Variants in FAM234A observed in about 807,000 individuals in gnomAD.
FAM234A encodes family with sequence similarity 234 member A.
In FAM234A, 42 loss-of-function variants were observed where a neutral mutation model predicts 49.1. The observed-to-expected ratio is 0.86, with a 90% CI of 0.67 to 1.11. FAM234A has a LOEUF of 1.11. Ranked by LOEUF, FAM234A falls within the 50% of genes least tolerant of loss-of-function variation. The pLI is 0.00. For synonymous variants in FAM234A, 369 were observed against 316.2 expected (o/e 1.17, Z -1.77); for missense variants, 815 against 745.2 (o/e 1.09, Z -1.09).
In FAM234A at chr16:242,703, C is replaced by A. The variant is rs373867626; in HGVS notation, c.-139-6846C>A. Among the ~76,000 whole-genome samples, 42 of 151,824 alleles carry A rather than the reference C, an allele frequency of 2.8e-4. No individual in the cohort carries two copies. In the East Asian group the frequency reaches 6.6e-3, roughly 24 times the overall value. On this transcript the variant is annotated intron_variant, in intron 1 of 12. Transcript: ENST00000399932. ...TCTCAGCTCACTGCAACCTCTGCCC[C>A]CCGGGTTCAAGCGATTCTCCTGCCT...
Position 238,919 on chromosome 16 carries a change from C to CAAAAAA in FAM234A, c.-140+4070_-140+4075dup, listed in dbSNP as rs1161101529. 8.9e-3 allele frequency among the ~76,000 whole-genome samples: 815 copies of CAAAAAA among 91,620 alleles called. 24 individuals carry two copies. The East Asian group carries it at 0.12, about 14-fold the overall frequency. The allele number at this position is 91,620 out of a possible 152,430, so 60.1% of individuals were successfully genotyped here. On this transcript the variant is annotated intron_variant, in intron 1 of 12. Transcript: ENST00000399932. Reference sequence around the variant, plus strand: ...CTAACATGGTGAAACCCCATCTCTACAAAAAAAAAAAAATTAGCCGGGTGT... The same window carrying CAAAAAA: ...CTAACATGGTGAAACCCCATCTCTACAAAAAAAAAAAAAAAAAAATTAGCCGGGTGT...
At chr16:254,290 C>G (rs1375206087) in intron 2 of FAM234A, 91 bp from the exon 3 acceptor site, 1 of 1,047,620 alleles carries the variant, frequency 9.5e-7, no homozygotes, top group South Asian at 1.5e-5. Flanking sequence ...GCAGCCAGTC[C>G]CCAAGAAGCC....
intron 5 of FAM234A, chr16:260,410 CAG>C (rs1277028934): frequency 3.9e-5 from 22 of 566,346 alleles, no homozygotes; most frequent in Admixed American, 3.3e-4. Context: ...CTGTAACACA[CAG>C]GGGCAGTCCG....
chr16:268,390 G>C (rs763769124), downstream of FAM234A: 2 of 323,662 alleles, frequency 6.2e-6, no homozygotes, highest in Non-Finnish European at 1.2e-5. Flanking sequence ...AGCCCTATGG[G>C]TGGGGATGGC....
chr16:269,354 T>G, downstream of FAM234A: 1 of 1,603,228 alleles, frequency 6.2e-7, no homozygotes, highest in African/African-American at 1.3e-5. Flanking sequence ...GGGGCTCGAG[T>G]GCCGTGGCCT....
In FAM234A at chr16:264,736, G is replaced by A; in HGVS notation, c.1447+20G>A. On this transcript the variant is annotated intron_variant, in intron 12 of 12. Coordinates refer to ENST00000399932, the MANE Select transcript of FAM234A (RefSeq NM_032039.4). ...TTGACGGTGAGTGTGGCCTCGGCCA[G>A]GGACCCGGGTGTTCCGCGGGGTCTG... is the stretch of plus-strand genomic sequence containing the variant. The A allele has an allele frequency of 1.2e-6, 2 of 1,609,210 alleles. No individual in the cohort carries two copies. Among genetic ancestry groups the A allele is most frequent in the South Asian group, 1.1e-5 (1 of 91,040 alleles).
At chr16:251,681 T>TTTG (rs2051015580) in intron 2 of FAM234A, among the ~76,000 whole-genome samples, 1 of 130,942 alleles carries the variant, frequency 7.6e-6, no homozygotes, top group Non-Finnish European at 1.6e-5. Context: ...CTAGCCAGGT[T>TTTG]TTTTTTTTTT....
At position 265,308 on chromosome 16, in the gene FAM234A, T is replaced by G. The variant is rs74003716; in HGVS notation, c.*286T>G. 2,927 of 1,220,488 alleles carry G rather than the reference T, an allele frequency of 2.4e-3. 64 individuals are homozygous for G. The African/African-American group carries it at 0.042, about 17-fold the overall frequency. 75.6% of individuals were successfully genotyped at this position (1,220,488 alleles called of 1,614,324 possible). On this transcript the variant is annotated 3_prime_UTR_variant, in exon 13 of 13. Coordinates refer to ENST00000399932, the MANE Select transcript of FAM234A (RefSeq NM_032039.4). ...TCCCGCTCACACCAGGCAGCCTTCA[T>G]AGTGGTCTCCCTGGCCACCTTGGGC...
Position 264,862 on chromosome 16 carries a change from C to G in FAM234A, c.1499C>G (p.Pro500Arg), listed in dbSNP as rs201149518. 6 of 1,612,206 alleles carry G rather than the reference C, an allele frequency of 3.7e-6. No individual in the cohort carries two copies. In the Admixed American group the frequency reaches 8.3e-5, roughly 22 times the overall value. ...RHAAYILLTG[P>R]ADSEAPGLVS... is the part of the protein sequence containing the mutation. ...GCCGCCTACATCCTTCTGACAGGCC[C>G]GGCAGACTCAGAGGCACCCGGCCTG... Residue 500 changes from proline to arginine, a missense_variant, in exon 13 of 13, where the codon CCG becomes CGG. Coordinates refer to ENST00000399932, the MANE Select transcript of FAM234A (RefSeq NM_032039.4).
intron 1 of FAM234A, among the ~76,000 whole-genome samples, chr16:242,981 CTT>C (rs202179166): frequency 3.7e-4 from 51 of 139,214 alleles, no homozygotes; most frequent in Admixed American, 4.4e-4. Flanking sequence ...TGAGCCCTCA[CTT>C]TTTTTTTTTT....
At chr16:246,219 A>ACAT (rs1555461249) in intron 1 of FAM234A, among the ~76,000 whole-genome samples, 6 of 150,744 alleles carry the variant, frequency 4.0e-5, no homozygotes, top group African/African-American at 1.2e-4. Context: ...TGTCTCAAAA[A>ACAT]AATAATAATA....
rs560116712 is a variant in FAM234A, at chr16:256,454, T to C, written c.268+1773T>C. The stretch of plus-strand genomic sequence containing the variant: ...TGGGTCCCTCTTTTCGTGTGAGTTT[T>C]AGCCATTCTTGCATCTTCTTTGGTG... On this transcript the variant is annotated intron_variant, in intron 3 of 12. Transcript: ENST00000399932. Among the ~76,000 whole-genome samples, 3 of 152,360 alleles carry C rather than the reference T, an allele frequency of 2.0e-5. No homozygotes were observed. The East Asian group carries it at 5.8e-4, about 29-fold the overall frequency.
chr16:256,481 AT>A (rs2051237616), intron 3 of FAM234A, among the ~76,000 whole-genome samples: 2 of 152,202 alleles, frequency 1.3e-5, no homozygotes, highest in South Asian at 2.1e-4. Flanking sequence ...TCTTTGGTGA[AT>A]GTCTATTCTT....
At chr16:252,629 A>G (rs150345334) in intron 2 of FAM234A, among the ~76,000 whole-genome samples, 48 of 152,252 alleles carry the variant, frequency 3.2e-4, no homozygotes, top group African/African-American at 9.4e-4. Flanking sequence ...GCAACGTACG[A>G]TGTTCTGATT....
chr16:266,135 G>C, downstream of FAM234A: 1 of 964,124 alleles, frequency 1.0e-6, no homozygotes, highest in Non-Finnish European at 1.2e-6. Context: ...GTGTGCGTCT[G>C]CCTGTCTGTC....
intron 2 of FAM234A, among the ~76,000 whole-genome samples, chr16:251,528 C>G (rs527486725): frequency 6.6e-6 from 1 of 151,810 alleles, no homozygotes; most frequent in African/African-American, 2.4e-5. Context: ...GCGAGCGCCG[C>G]CATACCCAAC....
At chr16:260,273 T>G in intron 5 of FAM234A, 113 bp downstream of exon 5, 1 of 1,003,750 alleles carries the variant, frequency 1.0e-6, no homozygotes, top group Non-Finnish European at 1.5e-6. Flanking sequence ...ATCTTGAGGG[T>G]GGCTGGATGG....
chr16:238,007 GTTATTTATTT>G (rs112614548), intron 1 of FAM234A, among the ~76,000 whole-genome samples: 1,161 of 65,630 alleles, frequency 0.018, 17 homozygotes, highest in African/African-American at 0.085. Flanking sequence ...CCTGGCCTAT[GTTATTTATTT>G]TTATTTATTT....
intron 4 of FAM234A, 88 bp downstream of exon 4, chr16:259,687 G>A: frequency 2.3e-6 from 2 of 865,782 alleles, no homozygotes; most frequent in Non-Finnish European, 1.9e-6. Context: ...CAGTGTTTGG[G>A]GGAAGCAGAT....
Sources: allele counts gnomAD v4.1 joint callset (sites outside exome capture counted in the v4.1 genomes callset), GRCh38; gene constraint gnomAD v4.1.1; transcripts MANE v1.5; gene names NCBI Gene and HGNC (gene_info 2026-07-23, HGNC 2026-07-21).